PRKN: variants seen among roughly 807,000 people sequenced by gnomAD.
The protein encoded by PRKN is parkin RBR E3 ubiquitin protein ligase.
In PRKN, 56 loss-of-function variants were observed where a neutral mutation model predicts 59.5. The observed-to-expected ratio is 0.94, with a 90% confidence interval of 0.76 to 1.18. The LOEUF is 1.18. Ranked by LOEUF, PRKN falls within the 50% of genes most tolerant of loss-of-function variation. The pLI, the probability that PRKN is intolerant of heterozygous loss-of-function variation, is 0.00. For synonymous variants in PRKN, 250 were observed against 222.1 expected, an observed-to-expected ratio of 1.13 and a Z score of -1.12; for missense variants, 657 against 596.4, an observed-to-expected ratio of 1.10 and a Z score of -1.06.
intron 1 of PRKN, among the ~76,000 whole-genome samples, chr6:162,621,068 CTTT>C (rs1014954140): frequency 2.7e-5 from 4 of 146,956 alleles, no homozygotes; most frequent in African/African-American, 1.0e-4. Context: ...GTGGCATCTT[CTTT>C]ATTTTGAAAT....
rs370784893 is a variant in PRKN at position 162,561,548 on chromosome 6, C to T, written c.8-118075G>A. Among the ~76,000 whole-genome samples, 5 of 152,224 alleles carry T rather than the reference C, an allele frequency of 3.3e-5. No homozygotes were observed. The South Asian group carries it at 1.0e-3, about 32-fold the overall frequency. On this transcript the variant is annotated intron_variant, in intron 1 of 11. Transcript: ENST00000366898. ...TTCCACTTCATATCCCTGAAAGAGGCACTGAAGTGATTTAAAAAAACAAAA... is the reference window on the plus strand; with the variant it reads ...TTCCACTTCATATCCCTGAAAGAGGTACTGAAGTGATTTAAAAAAACAAAA...
intron 9 of PRKN, among the ~76,000 whole-genome samples, chr6:161,431,927 A>G (rs1788664465): frequency 1.3e-5 from 2 of 152,230 alleles, no homozygotes; most frequent in South Asian, 4.1e-4. Context: ...AATATTTTCT[A>G]TCTATAGCTA....
At position 162,571,719 on chromosome 6, in the gene PRKN, C is replaced by T. The variant is rs80062183; in HGVS notation, c.8-128246G>A. ...GAGCAAGGTGCCTGAGCTGGCACTTCAGGGAGAAGCCTGGCATGGAGCTAG... is the reference window on the plus strand; with the variant it reads ...GAGCAAGGTGCCTGAGCTGGCACTTTAGGGAGAAGCCTGGCATGGAGCTAG... On this transcript the variant is annotated intron_variant, in intron 1 of 11. Transcript: ENST00000366898. Among the ~76,000 whole-genome samples, 109 of 152,198 alleles carry T rather than the reference C, an allele frequency of 7.2e-4. 3 individuals carry two copies. In the East Asian group the frequency reaches 0.02, roughly 28 times the overall value.
At chr6:161,930,243 TCTAAC>T (rs1354504085) in intron 6 of PRKN, among the ~76,000 whole-genome samples, 1 of 152,206 alleles carries the variant, frequency 6.6e-6, no homozygotes, top group African/African-American at 2.4e-5. Flanking sequence ...TACATTATCT[TCTAAC>T]CTAAAAAAAT....
chr6:162,564,343 C>CAAA (rs550431458), intron 1 of PRKN, among the ~76,000 whole-genome samples: 1 of 144,542 alleles, frequency 6.9e-6, no homozygotes. Flanking sequence ...GACTCCATCT[C>CAAA]AAAAAAAAAA....
chr6:162,706,286 AACAGGC>A (rs1429688448), intron 1 of PRKN, among the ~76,000 whole-genome samples: 1 of 152,204 alleles, frequency 6.6e-6, no homozygotes, highest in Non-Finnish European at 1.5e-5. Context: ...GCTTAGGGCC[AACAGGC>A]GCACTGCATG....
chr6:161,719,536 C>A (rs990151497), intron 7 of PRKN, among the ~76,000 whole-genome samples: 7 of 152,126 alleles, frequency 4.6e-5, no homozygotes, highest in African/African-American at 1.4e-4. Context: ...TTATGGACAT[C>A]ATGATATAAT....
intron 4 of PRKN, among the ~76,000 whole-genome samples, chr6:162,150,582 C>T (rs574104045): frequency 3.3e-5 from 5 of 152,188 alleles, no homozygotes; most frequent in African/African-American, 7.2e-5. Context: ...GATCTCACAC[C>T]GGGGAAAAAT....
intron 4 of PRKN, among the ~76,000 whole-genome samples, chr6:162,194,261 C>G (rs1262990381): frequency 6.6e-6 from 1 of 152,048 alleles, no homozygotes; most frequent in African/African-American, 2.4e-5. Flanking sequence ...AATTATTGAC[C>G]ATTTTGAGAA....
intron 1 of PRKN, among the ~76,000 whole-genome samples, chr6:162,481,535 G>A (rs1203312681): frequency 2.0e-5 from 3 of 152,252 alleles, no homozygotes; most frequent in Admixed American, 6.5e-5. Context: ...TAAGAGTTGA[G>A]CATTTTGTAT....
In PRKN at chr6:162,463,789, G is replaced by A. The variant is rs78976818; in HGVS notation, c.8-20316C>T. Among the ~76,000 whole-genome samples, 30 of 152,262 alleles carry A rather than the reference G, an allele frequency of 2.0e-4. No individual in the cohort carries two copies. In the South Asian group the frequency reaches 4.1e-3, roughly 21 times the overall value. On this transcript the variant is annotated intron_variant, in intron 1 of 11. Transcript: ENST00000366898. ...ATATGATTTCTCACAAAGGCATCTC[G>A]AGTTCAAGATTGGCATCCATGAAAC...
rs1444551811 is a variant in PRKN, at chr6:161,902,960, C to T, written c.734+70342G>A. Among the ~76,000 whole-genome samples, 3 of 152,294 alleles carry T rather than the reference C, an allele frequency of 2.0e-5. No homozygotes were observed. The East Asian group carries it at 5.8e-4, about 29-fold the overall frequency. On this transcript the variant is annotated intron_variant, in intron 6 of 11. Coordinates refer to ENST00000366898, the MANE Select transcript of PRKN (RefSeq NM_004562.3). Reference sequence around the variant, plus strand: ...CCTGCTCTCAGAAAGTTGTGTGCTGCAAGATGGGCAAGACGGTGCACTGTG... The same window carrying T: ...CCTGCTCTCAGAAAGTTGTGTGCTGTAAGATGGGCAAGACGGTGCACTGTG...
intron 9 of PRKN, among the ~76,000 whole-genome samples, chr6:161,392,504 CCTCTCTCTCT>C (rs67425763): frequency 6.0e-4 from 87 of 145,406 alleles, no homozygotes; most frequent in African/African-American, 1.9e-3. Flanking sequence ...ATAGTTCAAA[CCTCTCTCTCT>C]CTCTCTCTCT....
chr6:161,872,260 A>T (rs1483366922), intron 6 of PRKN, among the ~76,000 whole-genome samples: 1 of 152,052 alleles, frequency 6.6e-6, no homozygotes, highest in African/African-American at 2.4e-5. Flanking sequence ...AGGTCAGGAG[A>T]TGTCTCCTGC....
intron 6 of PRKN, among the ~76,000 whole-genome samples, chr6:161,915,854 G>A (rs893444493): frequency 6.6e-6 from 1 of 152,194 alleles, no homozygotes; most frequent in Non-Finnish European, 1.5e-5. Context: ...GAGAGCAAGA[G>A]AGAAAGCATG....
intron 1 of PRKN, among the ~76,000 whole-genome samples, chr6:162,444,085 C>T (rs1338647996): frequency 6.6e-6 from 1 of 152,064 alleles, no homozygotes; most frequent in Non-Finnish European, 1.5e-5. Flanking sequence ...CTTATTGAAG[C>T]CACTGTTCCC....
chr6:161,979,646 T>C (rs191763404), intron 5 of PRKN, among the ~76,000 whole-genome samples: 6 of 152,342 alleles, frequency 3.9e-5, no homozygotes, highest in South Asian at 4.1e-4. Flanking sequence ...GAAAGGCTAC[T>C]CATGCTTTTA....
intron 2 of PRKN, among the ~76,000 whole-genome samples, chr6:162,268,477 A>G (rs1318986082): frequency 6.6e-6 from 1 of 152,222 alleles, no homozygotes; most frequent in African/African-American, 2.4e-5. Flanking sequence ...TAAATTGCCC[A>G]GTCTCAGGTA....
intron 6 of PRKN, among the ~76,000 whole-genome samples, chr6:161,913,629 T>C (rs1180837871): frequency 6.6e-6 from 1 of 152,250 alleles, no homozygotes; most frequent in Non-Finnish European, 1.5e-5. Flanking sequence ...AAACCTACTA[T>C]GTCTATTTAT....
Sources: gnomAD v4.1 joint callset for allele counts (sites outside exome capture counted in the v4.1 genomes callset) on GRCh38, gnomAD v4.1.1 for gene constraint, MANE v1.5 for transcripts, NCBI Gene and HGNC (gene_info 2026-07-23, HGNC 2026-07-21) for gene names.